EEF2K: variants seen among roughly 807,000 people sequenced by gnomAD.
EEF2K encodes the protein alternative protein EEF2K.
EEF2K carries 70 observed loss-of-function variants against 93.8 expected under a neutral mutation model. The observed-to-expected ratio is 0.75, with a 90% CI of 0.62 to 0.91. EEF2K has a LOEUF of 0.91. EEF2K is among the 40% of genes least tolerant of loss of function. The probability of loss-of-function intolerance (pLI) is 0.00; values close to 1 mark genes in which losing one functional copy is unlikely to be tolerated. For missense variants in EEF2K, 935 were observed against 972.9 expected (o/e 0.96, Z 0.52); for synonymous variants, 376 against 380.8 (o/e 0.99, Z 0.15).
chr16:22,227,567 G>A (rs1022358398), intron 2 of EEF2K, among the ~76,000 whole-genome samples: 1 of 152,120 alleles, frequency 6.6e-6, no homozygotes, highest in Non-Finnish European at 1.5e-5. Flanking sequence ...CCGTTTGGTA[G>A]GTGCCAGCGT....
chr16:22,207,450 C>T (rs930658400), intron 1 of EEF2K, among the ~76,000 whole-genome samples: 1 of 152,148 alleles, frequency 6.6e-6, no homozygotes, highest in African/African-American at 2.4e-5. Context: ...GGAATTCTAG[C>T]TCATTTATGC....
chr16:22,264,056 G>A (rs1178403552), intron 12 of EEF2K, among the ~76,000 whole-genome samples: 1 of 152,096 alleles, frequency 6.6e-6, no homozygotes, highest in Non-Finnish European at 1.5e-5. Context: ...CACTTTGGGA[G>A]GCCGGGGCAG....
chr16:22,228,536 C>G (rs1384192932), intron 2 of EEF2K, among the ~76,000 whole-genome samples: 1 of 152,148 alleles, frequency 6.6e-6, no homozygotes, highest in Non-Finnish European at 1.5e-5. Context: ...CTTTGGAAAC[C>G]AAAGAGAACT....
chr16:22,250,903 C>A (rs1393865186), intron 5 of EEF2K, among the ~76,000 whole-genome samples: 2 of 152,172 alleles, frequency 1.3e-5, no homozygotes, highest in African/African-American at 4.8e-5. Context: ...CCCCACTTAC[C>A]TCTGCCCTGG....
chr16:22,253,241 C>T (rs1025295579), intron 6 of EEF2K, among the ~76,000 whole-genome samples: 3 of 152,224 alleles, frequency 2.0e-5, no homozygotes, highest in Admixed American at 1.3e-4. Context: ...ATCCATGCCT[C>T]TGCCCTGCAT....
chr16:22,248,915 A>T, intron 4 of EEF2K, 100 bp downstream of exon 4: 1 of 1,181,664 alleles, frequency 8.5e-7, no homozygotes. Flanking sequence ...CACTTTATTT[A>T]ATTTTTGTAA....
intron 2 of EEF2K, among the ~76,000 whole-genome samples, chr16:22,235,698 A>G (rs1477784074): frequency 6.6e-6 from 1 of 152,132 alleles, no homozygotes. Flanking sequence ...GGGTTTCTCC[A>G]TGTTGGTCAG....
chr16:22,264,800 A>T lies in EEF2K; in HGVS notation c.1378-18A>T, dbSNP rs779162317. ...AAGCTTGTCGCTTTGGATCAGTGTA[A>T]TTTCTTCCTCCGTTCAGGGCCACTC... On this transcript the variant is annotated intron_variant, in intron 12 of 17. Transcript: ENST00000263026. 6.2e-7 allele frequency: 1 copy of T among 1,613,488 alleles called. No individual in the cohort carries two copies. Among genetic ancestry groups the T allele is most frequent in the Non-Finnish European group, 8.5e-7 (1 of 1,179,700 alleles).
chr16:22,275,861 G>C (rs1372742652), intron 16 of EEF2K, among the ~76,000 whole-genome samples: 1 of 151,454 alleles, frequency 6.6e-6, no homozygotes, highest in Non-Finnish European at 1.5e-5. Flanking sequence ...GGCTTGACTT[G>C]AACTCCTGAC....
At chr16:22,219,497 C>T (rs1445107067) in intron 1 of EEF2K, among the ~76,000 whole-genome samples, 2 of 152,026 alleles carry the variant, frequency 1.3e-5, no homozygotes, top group African/African-American at 4.8e-5. Context: ...GGCATAGTGA[C>T]ACACACCTGT....
At chr16:22,265,067 G>T (rs2073932045) in intron 13 of EEF2K, 187 bp downstream of exon 13, 2 of 603,608 alleles carry the variant, frequency 3.3e-6, no homozygotes. Flanking sequence ...GATGCTGGGG[G>T]ATTTGTGGGG....
intron 1 of EEF2K, among the ~76,000 whole-genome samples, chr16:22,212,849 C>G (rs565652800): frequency 1.7e-4 from 26 of 152,260 alleles, no homozygotes; most frequent in Admixed American, 7.8e-4. Context: ...TGGCACAGGC[C>G]TGTAGTCCCA....
intron 2 of EEF2K, among the ~76,000 whole-genome samples, chr16:22,231,720 G>A (rs567400118): frequency 1.3e-5 from 2 of 151,862 alleles, no homozygotes; most frequent in South Asian, 2.1e-4. Context: ...GGCCGGGCAC[G>A]GTGGCTCACA....
intron 2 of EEF2K, among the ~76,000 whole-genome samples, chr16:22,231,548 C>A (rs2047115439): frequency 6.6e-6 from 1 of 152,038 alleles, no homozygotes; most frequent in African/African-American, 2.4e-5. Flanking sequence ...TAAAGGGGGG[C>A]TTTGTATATT....
At position 22,266,375 on chromosome 16, in the gene EEF2K, G is replaced by A; in HGVS notation, c.1441-15G>A. 6.2e-7 allele frequency: 1 copy of A among 1,610,730 alleles called. No individual in the cohort carries two copies. Among genetic ancestry groups the A allele is most frequent in the Non-Finnish European group, 8.5e-7 (1 of 1,178,442 alleles). ...CCCCAGCCCCTCGCTTCCCTGGCCGGTTCTTTCCCTTCAGGTATGTGTAGA... is the reference window on the plus strand; with the variant it reads ...CCCCAGCCCCTCGCTTCCCTGGCCGATTCTTTCCCTTCAGGTATGTGTAGA... On this transcript the variant is annotated splice_polypyrimidine_tract_variant and intron_variant, in intron 13 of 17. Coordinates refer to ENST00000263026, the MANE Select transcript of EEF2K (RefSeq NM_013302.5).
intron 15 of EEF2K, among the ~76,000 whole-genome samples, chr16:22,271,568 C>T (rs2047582781): frequency 6.6e-6 from 1 of 151,540 alleles, no homozygotes; most frequent in Non-Finnish European, 1.5e-5. Flanking sequence ...TGGTGTGGTG[C>T]ACCTGCCTGT....
At chr16:22,246,511 G>C (rs1420580102) in intron 3 of EEF2K, among the ~76,000 whole-genome samples, 3 of 99,078 alleles carry the variant, frequency 3.0e-5, no homozygotes, top group African/African-American at 1.2e-4. Flanking sequence ...GTGAGACTCA[G>C]TCTTAAAAAA....
chr16:22,244,303 GTGTGTGTA>G (rs1310869853), intron 2 of EEF2K, among the ~76,000 whole-genome samples: 1 of 148,592 alleles, frequency 6.7e-6, no homozygotes, highest in African/African-American at 2.6e-5. Flanking sequence ...GTGTGTGTGT[GTGTGTGTA>G]TATCCTATAT....
chr16:22,250,611 G>A (rs2047340019), intron 4 of EEF2K, 43 bp from the exon 5 acceptor site: 1 of 1,613,842 alleles, frequency 6.2e-7, no homozygotes, highest in Non-Finnish European at 8.5e-7. Context: ...TCCCTTTTGG[G>A]TGGGGCATGG....
Sources: allele counts gnomAD v4.1 joint callset (sites outside exome capture counted in the v4.1 genomes callset), GRCh38; gene constraint gnomAD v4.1.1; transcripts MANE v1.5; gene names NCBI Gene and HGNC (gene_info 2026-07-23, HGNC 2026-07-21).